The following ANKRD55 variants were observed in gnomAD, a reference collection of about 807,000 sequenced individuals.
ANKRD55 encodes the protein ankyrin repeat domain 55.
In ANKRD55, 41 loss-of-function variants were observed where a neutral mutation model predicts 60.6. The ratio of observed to expected loss-of-function variants is 0.68; its 90% CI spans 0.53 to 0.88. The LOEUF (loss-of-function observed/expected upper bound fraction) is 0.88. ANKRD55 is among the 40% of genes least tolerant of loss of function. The pLI, the probability that ANKRD55 is intolerant of heterozygous loss-of-function variation, is 0.00. For synonymous variants in ANKRD55, 264 were observed against 290.3 expected (o/e 0.91, Z 0.92); for missense variants, 732 against 767.6 (o/e 0.95, Z 0.55).
chr5:56,149,418 A>T (rs1348291280), intron 6 of ANKRD55, among the ~76,000 whole-genome samples: 1 of 152,250 alleles, frequency 6.6e-6, no homozygotes, highest in Non-Finnish European at 1.5e-5. Context: ...AATTTAAATC[A>T]GACAAGAAAA....
At chr5:56,187,576 G>C (rs1050932109) in intron 2 of ANKRD55, among the ~76,000 whole-genome samples, 1 of 152,160 alleles carries the variant, frequency 6.6e-6, no homozygotes, top group Non-Finnish European at 1.5e-5. Flanking sequence ...TCGCAGACCC[G>C]CCGCTGACTT....
chr5:56,135,933 A>G (rs1438890229), intron 7 of ANKRD55, among the ~76,000 whole-genome samples: 1 of 152,202 alleles, frequency 6.6e-6, no homozygotes, highest in Non-Finnish European at 1.5e-5. Context: ...AGAATTTGAA[A>G]TTAAAAATAC....
At chr5:56,188,536 T>C (rs1020443453) in intron 2 of ANKRD55, among the ~76,000 whole-genome samples, 20 of 152,240 alleles carry the variant, frequency 1.3e-4, no homozygotes, top group African/African-American at 4.8e-4. Context: ...CTTCTGCATA[T>C]AGATATCCAG....
At chr5:56,230,177 C>T (rs767192525) in intron 2 of ANKRD55, among the ~76,000 whole-genome samples, 1 of 152,128 alleles carries the variant, frequency 6.6e-6, no homozygotes, top group Non-Finnish European at 1.5e-5. Context: ...CTCACCGCAA[C>T]CTCCACCTCC....
At chr5:56,207,051 C>T (rs748046142) in intron 2 of ANKRD55, among the ~76,000 whole-genome samples, 17 of 152,224 alleles carry the variant, frequency 1.1e-4, no homozygotes, top group Non-Finnish European at 2.4e-4. Context: ...TTGGCTAACA[C>T]TAAGGCCATT....
intron 2 of ANKRD55, chr5:56,192,850 GA>G: frequency 3.2e-5 from 22 of 691,146 alleles, no homozygotes; most frequent in African/African-American, 5.5e-5. Flanking sequence ...AAAACCTACA[GA>G]AAAAGGCCAA....
chr5:56,103,831 A>G (rs1421043290), intron 10 of ANKRD55, among the ~76,000 whole-genome samples: 2 of 152,360 alleles, frequency 1.3e-5, no homozygotes, highest in Non-Finnish European at 1.5e-5. Flanking sequence ...GCAAAATAGC[A>G]TAAGAAAAAA....
chr5:56,112,511 A>AAAAAAAAAACAAAAAAAAAAC (rs61268045), intron 9 of ANKRD55, among the ~76,000 whole-genome samples: 12 of 81,524 alleles, frequency 1.5e-4, no homozygotes, highest in African/African-American at 6.5e-4. Flanking sequence ...TAGCAAAAAA[A>AAAAAAAAAACAAAAAAAAAAC]AAAAAAAAAA....
intron 7 of ANKRD55, among the ~76,000 whole-genome samples, chr5:56,138,127 C>A: frequency 7.7e-6 from 1 of 129,844 alleles, no homozygotes; most frequent in East Asian, 2.2e-4. Context: ...GTTTCTTTTT[C>A]TTTTTTTTTT....
At chr5:56,136,544 C>T (rs1325211450) in intron 7 of ANKRD55, among the ~76,000 whole-genome samples, 1 of 152,124 alleles carries the variant, frequency 6.6e-6, no homozygotes. Flanking sequence ...AACTGGACAT[C>T]TACATGCAAA....
intron 2 of ANKRD55, among the ~76,000 whole-genome samples, chr5:56,192,359 T>C (rs1238372351): frequency 2.0e-5 from 3 of 152,240 alleles, no homozygotes; most frequent in African/African-American, 7.2e-5. Flanking sequence ...GATTATATTT[T>C]ATTTAAAACT....
chr5:56,147,081 G>A (rs532127801), intron 6 of ANKRD55, among the ~76,000 whole-genome samples: 2 of 152,250 alleles, frequency 1.3e-5, no homozygotes, highest in East Asian at 3.9e-4. Context: ...TGGGGTGGGA[G>A]GAGTGCTATC....
At chr5:56,219,010 C>T (rs1376161352) in intron 2 of ANKRD55, among the ~76,000 whole-genome samples, 1 of 152,126 alleles carries the variant, frequency 6.6e-6, no homozygotes, top group Non-Finnish European at 1.5e-5. Context: ...CAGTGACTCA[C>T]ACCTGTAATC....
intron 2 of ANKRD55, among the ~76,000 whole-genome samples, chr5:56,185,929 G>A (rs1029151401): frequency 1.3e-5 from 2 of 152,192 alleles, no homozygotes; most frequent in Non-Finnish European, 1.5e-5. Context: ...AAAGTGAGTA[G>A]TTGTTCCCTA....
intron 7 of ANKRD55, among the ~76,000 whole-genome samples, chr5:56,129,561 T>C (rs774425554): frequency 6.6e-6 from 1 of 152,120 alleles, no homozygotes; most frequent in Non-Finnish European, 1.5e-5. Context: ...GTCGAGTTAA[T>C]GTGTAATAAT....
chr5:56,141,256 C>A (rs57432275), intron 7 of ANKRD55, among the ~76,000 whole-genome samples: 244 of 148,304 alleles, frequency 1.6e-3, no homozygotes, highest in African/African-American at 5.8e-3. Context: ...ATAGCCACAG[C>A]TCCCAGCCAA....
intron 6 of ANKRD55, among the ~76,000 whole-genome samples, chr5:56,147,285 C>G (rs1385075854): frequency 6.6e-6 from 1 of 152,110 alleles, no homozygotes; most frequent in Non-Finnish European, 1.5e-5. Flanking sequence ...TTCTCTGACT[C>G]TGGAGAAAAA....
At chr5:56,232,217 A>G (rs749402724) in intron 2 of ANKRD55, among the ~76,000 whole-genome samples, 39 of 152,254 alleles carry the variant, frequency 2.6e-4, no homozygotes, top group Non-Finnish European at 4.4e-4. Context: ...TATAAGGATA[A>G]GTTGATCTCA....
intron 2 of ANKRD55, among the ~76,000 whole-genome samples, chr5:56,187,661 G>A (rs993087811): frequency 2.0e-5 from 3 of 152,218 alleles, no homozygotes; most frequent in Non-Finnish European, 2.9e-5. Context: ...TCCCAATCGG[G>A]CTAAAGGCTT....
Sources: allele counts gnomAD v4.1 joint callset (sites outside exome capture counted in the v4.1 genomes callset), GRCh38; gene constraint gnomAD v4.1.1; transcripts MANE v1.5; gene names NCBI Gene and HGNC (gene_info 2026-07-23, HGNC 2026-07-21).